Variants in ARHGEF28 observed in about 807,000 individuals in gnomAD.
ARHGEF28 encodes the protein 190 kDa guanine nucleotide exchange factor.
ARHGEF28 carries 152 observed loss-of-function variants against 206.6 expected under a neutral mutation model. The observed-to-expected ratio is 0.74, with a 90% CI of 0.64 to 0.84. The LOEUF is 0.84. Among genes scored for constraint, ARHGEF28 ranks in the 40% least tolerant of loss-of-function variants. ARHGEF28 has a pLI of 0.00. For synonymous variants in ARHGEF28, 763 were observed against 776.4 expected, an observed-to-expected ratio of 0.98 and a Z score of 0.29; for missense variants, 2,028 against 2,073.2, an observed-to-expected ratio of 0.98 and a Z score of 0.42.
At chr5:73,780,846 G>A (rs1375033328) in intron 7 of ARHGEF28, 101 bp downstream of exon 7, 1 of 1,270,618 alleles carries the variant, frequency 7.9e-7, no homozygotes, top group African/African-American at 1.5e-5. Flanking sequence ...CAGGAATCAA[G>A]GGGCTCAGAG....
intron 1 of ARHGEF28, among the ~76,000 whole-genome samples, chr5:73,666,492 G>A (rs955065452): frequency 6.6e-6 from 1 of 152,128 alleles, no homozygotes; most frequent in African/African-American, 2.4e-5. Flanking sequence ...CTCTGTGTTG[G>A]TCCCCAGGCT....
chr5:73,793,893 G>A (rs1414114192), intron 7 of ARHGEF28, among the ~76,000 whole-genome samples: 7 of 151,922 alleles, frequency 4.6e-5, no homozygotes, highest in Non-Finnish European at 8.8e-5. Flanking sequence ...TGTGCCCGGG[G>A]CTGAGGTTGG....
chr5:73,639,273 G>A (rs1743921518), intron 1 of ARHGEF28, among the ~76,000 whole-genome samples: 2 of 148,344 alleles, frequency 1.3e-5, no homozygotes, highest in African/African-American at 5.0e-5. Context: ...TTTTTACAAT[G>A]AGCATGAGCT....
intron 2 of ARHGEF28, among the ~76,000 whole-genome samples, chr5:73,691,619 G>A (rs1164266737): frequency 6.6e-6 from 1 of 152,136 alleles, no homozygotes; most frequent in African/African-American, 2.4e-5. Flanking sequence ...GAGAACCATG[G>A]ACTTAGTGCA....
Position 73,795,346 on chromosome 5 carries a change from G to A in ARHGEF28, c.979G>A (p.Val327Met), listed in dbSNP as rs1460508439. 3 of 1,613,562 alleles carry A rather than the reference G, an allele frequency of 1.9e-6. No individual in the cohort carries two copies. Among genetic ancestry groups the A allele is most frequent in the Admixed American group, 1.7e-5 (1 of 59,984 alleles). Residue 327 changes from valine to methionine, a missense_variant, in exon 9 of 36, where the codon GTG becomes ATG. Coordinates refer to ENST00000513042, the MANE Select transcript of ARHGEF28 (RefSeq NM_001177693.2). ...KEDIKRVKSLVVQHNEHEDQH... is the reference protein window; with the variant it reads ...KEDIKRVKSLMVQHNEHEDQH... ...TCTCTTCCAGCGTGTCAAAAGCCTG[G>A]TGGTTCAACACAATGAACATGAAGA...
chr5:73,832,170 G>T (rs1757340934), intron 9 of ARHGEF28, among the ~76,000 whole-genome samples, 168 bp from the exon 10 acceptor site: 1 of 152,144 alleles, frequency 6.6e-6, no homozygotes, highest in South Asian at 2.1e-4. Context: ...AGATAGCTGA[G>T]GTTTGGATAT....
At chr5:73,747,158 C>T (rs1751764186) in intron 2 of ARHGEF28, among the ~76,000 whole-genome samples, 1 of 152,088 alleles carries the variant, frequency 6.6e-6, no homozygotes, top group Admixed American at 6.6e-5. Flanking sequence ...TATGTAGAAG[C>T]AGAGTGATTC....
intron 9 of ARHGEF28, among the ~76,000 whole-genome samples, chr5:73,799,022 G>A (rs149110737): frequency 0.058 from 8,786 of 152,256 alleles, 435 homozygotes; most frequent in African/African-American, 0.13. Context: ...GGAGGCAGAG[G>A]TTGCAGTGAG....
intron 1 of ARHGEF28, among the ~76,000 whole-genome samples, chr5:73,654,800 T>A (rs1745076130): frequency 6.6e-6 from 1 of 152,214 alleles, no homozygotes; most frequent in Non-Finnish European, 1.5e-5. Flanking sequence ...CTTGTGTGTC[T>A]GATCATTTTC....
intron 21 of ARHGEF28, 77 bp downstream of exon 21, chr5:73,870,286 G>A (rs1316236379): frequency 6.8e-7 from 1 of 1,472,418 alleles, no homozygotes; most frequent in Admixed American, 2.5e-5. Context: ...CAACTGTGCA[G>A]AGTTGGGTAA....
chr5:73,743,703 G>C (rs932590543), intron 2 of ARHGEF28, among the ~76,000 whole-genome samples: 3 of 152,202 alleles, frequency 2.0e-5, no homozygotes, highest in Middle Eastern at 6.8e-3. Context: ...CATGTTCTTT[G>C]TGTACTCTTC....
At position 73,839,275 on chromosome 5, in the gene ARHGEF28, G is replaced by C. The variant is rs186699846; in HGVS notation, c.1147-1205G>C. On this transcript the variant is annotated intron_variant, in intron 10 of 35. Coordinates refer to ENST00000513042, the MANE Select transcript of ARHGEF28 (RefSeq NM_001177693.2). Reference sequence around the variant, plus strand: ...AAAATTATTAAGTACCATGTCAGGAGATATTTTAAGCCCTTGTAAATATCC... The same window carrying C: ...AAAATTATTAAGTACCATGTCAGGACATATTTTAAGCCCTTGTAAATATCC... 8.3e-4 allele frequency among the ~76,000 whole-genome samples: 126 copies of C among 152,244 alleles called. No homozygotes were observed. The Middle Eastern group carries it at 0.027, about 33-fold the overall frequency.
At chr5:73,707,276 T>C (rs1425966454) in intron 2 of ARHGEF28, among the ~76,000 whole-genome samples, 1 of 152,098 alleles carries the variant, frequency 6.6e-6, no homozygotes, top group Admixed American at 6.5e-5. Context: ...ATTCAGAAGT[T>C]TGGAATGTTT....
At chr5:73,928,691 A>G (rs1181784075) in intron 35 of ARHGEF28, among the ~76,000 whole-genome samples, 3 of 152,176 alleles carry the variant, frequency 2.0e-5, no homozygotes, top group Admixed American at 6.5e-5. Context: ...CAGCTGGCAG[A>G]GAAATGAATT....
At chr5:73,726,086 A>G (rs977197645) in intron 2 of ARHGEF28, among the ~76,000 whole-genome samples, 5 of 152,114 alleles carry the variant, frequency 3.3e-5, no homozygotes, top group African/African-American at 1.2e-4. Context: ...AAATTTTCCT[A>G]TTAGCCTGAG....
chr5:73,727,230 A>G (rs1297341933), intron 2 of ARHGEF28, among the ~76,000 whole-genome samples: 1 of 152,224 alleles, frequency 6.6e-6, no homozygotes, highest in African/African-American at 2.4e-5. Context: ...GGGAATACTA[A>G]GAAGATGGGC....
intron 33 of ARHGEF28, among the ~76,000 whole-genome samples, chr5:73,907,263 G>A (rs1188334975): frequency 6.6e-6 from 1 of 152,202 alleles, no homozygotes; most frequent in East Asian, 1.9e-4. Flanking sequence ...GGCTAGTGTT[G>A]CCGGATGAAA....
chr5:73,666,110 A>T (rs1692639776), intron 1 of ARHGEF28, among the ~76,000 whole-genome samples: 1 of 152,328 alleles, frequency 6.6e-6, no homozygotes, highest in Non-Finnish European at 1.5e-5. Flanking sequence ...TAGGATAGAC[A>T]TTCCCTTTCC....
At chr5:73,906,671 AT>A (rs1762577309) in intron 33 of ARHGEF28, among the ~76,000 whole-genome samples, 1 of 152,204 alleles carries the variant, frequency 6.6e-6, no homozygotes, top group South Asian at 2.1e-4. Flanking sequence ...GTCATCTCTT[AT>A]TCTATGATTT....
Sources: allele counts gnomAD v4.1 joint callset (sites outside exome capture counted in the v4.1 genomes callset), GRCh38; gene constraint gnomAD v4.1.1; transcripts MANE v1.5; gene names NCBI Gene and HGNC (gene_info 2026-07-23, HGNC 2026-07-21).